Variants in LRRC1 observed in about 807,000 individuals in gnomAD.
LRRC1 encodes leucine-rich repeat-containing protein 1.
In LRRC1, 28 loss-of-function variants were observed where a neutral mutation model predicts 69.9. The observed-to-expected ratio is 0.40, with a 90% confidence interval of 0.30 to 0.55. The LOEUF (loss-of-function observed/expected upper bound fraction) is 0.55, where lower values mean the gene tolerates loss of function less well. Ranked by LOEUF, LRRC1 falls within the 20% of genes least tolerant of loss-of-function variation. The probability of loss-of-function intolerance (pLI) is 0.47; values close to 1 mark genes in which losing one functional copy is unlikely to be tolerated. For synonymous variants in LRRC1, 236 were observed against 240.2 expected (o/e 0.98, Z 0.16); for missense variants, 498 against 609.0 (o/e 0.82, Z 1.92).
At chr6:53,902,039 T>C (rs1412371043) in intron 8 of LRRC1, among the ~76,000 whole-genome samples, 2 of 152,200 alleles carry the variant, frequency 1.3e-5, no homozygotes, top group African/African-American at 4.8e-5. Context: ...ACTTTACTAG[T>C]GGCTAGTGGG....
intron 4 of LRRC1, among the ~76,000 whole-genome samples, chr6:53,893,416 A>G (rs1767766595): frequency 6.6e-6 from 1 of 152,132 alleles, no homozygotes; most frequent in Non-Finnish European, 1.5e-5. Flanking sequence ...GTCTGATTAT[A>G]ATATCCAAGT....
chr6:53,846,293 T>C (rs1765941696), intron 2 of LRRC1, among the ~76,000 whole-genome samples: 1 of 152,158 alleles, frequency 6.6e-6, no homozygotes. Context: ...GGGCAGTGCT[T>C]ATGGATTATC....
intron 11 of LRRC1, among the ~76,000 whole-genome samples, chr6:53,915,418 A>G (rs186873324): frequency 7.2e-5 from 11 of 152,346 alleles, no homozygotes; most frequent in Middle Eastern, 3.4e-3. Flanking sequence ...GAAACCCAGG[A>G]TTAAATTGAG....
intron 2 of LRRC1, among the ~76,000 whole-genome samples, chr6:53,877,753 A>G (rs1197110563): frequency 6.6e-6 from 1 of 152,164 alleles, no homozygotes; most frequent in Non-Finnish European, 1.5e-5. Context: ...CCATATTGCT[A>G]TCAGGCTTTT....
intron 4 of LRRC1, among the ~76,000 whole-genome samples, chr6:53,885,195 G>A (rs972921812): frequency 3.3e-5 from 5 of 152,182 alleles, no homozygotes; most frequent in African/African-American, 1.2e-4. Flanking sequence ...GGCATACCTG[G>A]TGTCCAAGAC....
chr6:53,919,067 A>G (rs1056698242), intron 11 of LRRC1: 1 of 152,694 alleles, frequency 6.5e-6, no homozygotes, highest in Non-Finnish European at 1.5e-5. Context: ...GCTCCTGGAA[A>G]CAGGTAATCC....
chr6:53,817,629 A>G (rs1279654082), intron 1 of LRRC1, among the ~76,000 whole-genome samples: 1 of 152,080 alleles, frequency 6.6e-6, no homozygotes, highest in Non-Finnish European at 1.5e-5. Flanking sequence ...TCGTTTCCCC[A>G]TTCTCCTTAC....
Position 53,848,511 on chromosome 6 carries a change from G to A in LRRC1, c.277+6284G>A, listed in dbSNP as rs541854975. Among the ~76,000 whole-genome samples the A allele has an allele frequency of 3.3e-5, 5 of 152,186 alleles. No homozygotes were observed. In the South Asian group the frequency reaches 1.0e-3, roughly 32 times the overall value. ...ACTTTACACATATGTCTCTTTTGAT[G>A]AGTATATTTTACACTTTTTACCCAT... is the stretch of plus-strand genomic sequence containing the variant. On this transcript the variant is annotated intron_variant, in intron 2 of 13. Coordinates refer to ENST00000370888, the MANE Select transcript of LRRC1 (RefSeq NM_018214.5).
intron 1 of LRRC1, among the ~76,000 whole-genome samples, chr6:53,828,128 A>G (rs1765325457): frequency 6.6e-6 from 1 of 151,712 alleles, no homozygotes; most frequent in South Asian, 2.1e-4. Flanking sequence ...GATGTTTGGA[A>G]TAGAACCCAT....
chr6:53,892,228 T>C (rs1767730125), intron 4 of LRRC1, among the ~76,000 whole-genome samples: 1 of 152,072 alleles, frequency 6.6e-6, no homozygotes, highest in African/African-American at 2.4e-5. Flanking sequence ...TCTCTGTGCC[T>C]TAGTTTTCTC....
At chr6:53,842,550 T>G (rs1765824922) in intron 2 of LRRC1, among the ~76,000 whole-genome samples, 1 of 152,210 alleles carries the variant, frequency 6.6e-6, no homozygotes, top group Admixed American at 6.5e-5. Context: ...TTTCTCCAAA[T>G]AAGTTCAATC....
At chr6:53,805,101 G>A (rs1159351076) in intron 1 of LRRC1, among the ~76,000 whole-genome samples, 1 of 152,058 alleles carries the variant, frequency 6.6e-6, no homozygotes, top group East Asian at 1.9e-4. Context: ...AAAGGCCTCG[G>A]GTAGGCTTTA....
chr6:53,887,204 T>C (rs1442812896), intron 4 of LRRC1, among the ~76,000 whole-genome samples: 1 of 152,148 alleles, frequency 6.6e-6, no homozygotes, highest in Non-Finnish European at 1.5e-5. Flanking sequence ...AAAAACAGCT[T>C]CTGTTGCTCT....
At chr6:53,856,644 G>A (rs1451583695) in intron 2 of LRRC1, among the ~76,000 whole-genome samples, 1 of 152,186 alleles carries the variant, frequency 6.6e-6, no homozygotes, top group Non-Finnish European at 1.5e-5. Flanking sequence ...TGGAGCCGGT[G>A]GAAAGAGATG....
chr6:53,896,268 A>T (rs1173251002), intron 4 of LRRC1, among the ~76,000 whole-genome samples: 1 of 152,182 alleles, frequency 6.6e-6, no homozygotes, highest in Admixed American at 6.5e-5. Context: ...GTCATGACAC[A>T]CTACTCTTTT....
chr6:53,862,238 T>C (rs186365092), intron 2 of LRRC1, among the ~76,000 whole-genome samples: 1 of 152,058 alleles, frequency 6.6e-6, no homozygotes, highest in East Asian at 1.9e-4. Context: ...TTTCCCCTCA[T>C]TTTTGATATT....
At chr6:53,882,288 C>T (rs113468390) in intron 3 of LRRC1, among the ~76,000 whole-genome samples, 92 of 152,210 alleles carry the variant, frequency 6.0e-4, no homozygotes, top group African/African-American at 2.2e-3. Flanking sequence ...GCGGAGGTTG[C>T]GGTGAGCCGA....
intron 1 of LRRC1, among the ~76,000 whole-genome samples, chr6:53,825,677 T>C (rs539622904): frequency 3.3e-5 from 5 of 152,146 alleles, no homozygotes; most frequent in African/African-American, 1.2e-4. Context: ...ACCTATTGAG[T>C]AAACTCTGAG....
rs1247097254 is a variant in LRRC1, at chr6:53,913,857, G to A, written c.994G>A (p.Gly332Ser). 8 of 1,581,164 alleles carry A rather than the reference G, an allele frequency of 5.1e-6. No individual in the cohort carries two copies. Among genetic ancestry groups the A allele is most frequent in the East Asian group, 2.2e-5 (1 of 44,552 alleles). Residue 332 changes from glycine to serine, a missense_variant, in exon 11 of 14, where the codon GGC (glycine) becomes AGC (serine). This residue lies in a region of LRRC1 where 266 missense variants were observed against 383.9 expected (regional missense o/e 0.69). Coordinates refer to ENST00000370888, the MANE Select transcript of LRRC1 (RefSeq NM_018214.5). ...TGTATTTTCTTTCTCACCATAGATC[G>A]GCGGGTGCTGCAGCCTCACTGTGTT... ...NKLVSLPKEI[G>S]GCCSLTVFCV...
Sources: gnomAD v4.1 joint callset for allele counts (sites outside exome capture counted in the v4.1 genomes callset) on GRCh38, gnomAD v4.1.1 for gene constraint, gnomAD v4.1.1 regional missense constraint, MANE v1.5 for transcripts, NCBI Gene and HGNC (gene_info 2026-07-23, HGNC 2026-07-21) for gene names.